SLC28A2: variants seen among roughly 807,000 people sequenced by gnomAD.
SLC28A2 encodes sodium/nucleoside cotransporter 2.
A neutral mutation model predicts 72.9 loss-of-function variants in SLC28A2; 69 were observed. The observed-to-expected ratio is 0.95, with a 90% CI of 0.78 to 1.16. The LOEUF is 1.16. SLC28A2 is among the 50% of genes most tolerant of loss of function. The probability of loss-of-function intolerance (pLI) is 0.00; values close to 1 mark genes in which losing one functional copy is unlikely to be tolerated. For synonymous variants in SLC28A2, 296 were observed against 294.1 expected (o/e 1.01, Z -0.07); for missense variants, 745 against 791.1 (o/e 0.94, Z 0.70).
At chr15:45,255,973 A>T (rs1215672836) in intron 3 of SLC28A2, 2 of 152,120 alleles carry the variant, frequency 1.3e-5, no homozygotes, top group African/African-American at 4.8e-5. Context: ...CAAGTTATTT[A>T]CCCTCTCTAA....
intron 4 of SLC28A2, 138 bp from the exon 5 acceptor site, chr15:45,262,923 T>C (rs2140567213): frequency 1.5e-6 from 1 of 649,676 alleles, no homozygotes. Context: ...AGTGCAGTTC[T>C]GTCTGACAGT....
rs542412373 is a variant in SLC28A2 at position 45,272,045 on chromosome 15, C to G, written c.1649-250C>G. On this transcript the variant is annotated intron_variant, in intron 15 of 17. Coordinates refer to ENST00000347644, the MANE Select transcript of SLC28A2 (RefSeq NM_004212.4). Reference sequence around the variant, plus strand: ...TCCAGATACATCTTGGGTATGTTCACAGAACCATTAAAGTGAGGGTCAGAC... The same window carrying G: ...TCCAGATACATCTTGGGTATGTTCAGAGAACCATTAAAGTGAGGGTCAGAC... 2.8e-4 allele frequency: 127 copies of G among 449,042 alleles called. 2 individuals carry two copies. The highest frequency in any genetic ancestry group is 2.4e-3 in the Middle Eastern group (4 of 1,676). The allele number at this position is 449,042 out of a possible 1,614,324, so 27.8% of individuals were successfully genotyped here. A position where few individuals can be genotyped will look rare whatever the true frequency, so the allele number is the denominator to read the frequency against.
At chr15:45,272,496 A>G in intron 16 of SLC28A2, 103 bp downstream of exon 16, 1 of 941,092 alleles carries the variant, frequency 1.1e-6, no homozygotes, top group Non-Finnish European at 1.7e-6. Context: ...GGCAACAAAG[A>G]TTACTTCCCT....
rs529165157 is a variant in SLC28A2 at position 45,264,712 on chromosome 15, G to A, written c.646G>A (p.Val216Ile). 3 of 1,614,008 alleles carry A rather than the reference G, an allele frequency of 1.9e-6. No homozygotes were observed. In the African/African-American group the frequency reaches 4.0e-5, roughly 22 times the overall value. Residue 216 changes from valine to isoleucine, a missense_variant, in exon 7 of 18, where the codon GTC becomes ATC. By Grantham distance (29) the Val-to-Ile change is conservative (BLOSUM62 3). Transcript: ENST00000347644. ...LGLQFVFGIL[V>I]IRTDLGYTVF... ...TCTTCAATTTGTCTTTGGGATCTTG[G>A]TCATCAGAACTGATCTTGGATATAC...
In SLC28A2 at chr15:45,252,262, C is replaced by A. The variant is rs1417839400; in HGVS notation, c.-33C>A. The A allele has an allele frequency of 2.2e-6, 1 of 455,858 alleles. No homozygotes were observed. Among genetic ancestry groups the A allele is most frequent in the East Asian group, 6.9e-5 (1 of 14,392 alleles). 28.2% of individuals were successfully genotyped at this position (455,858 alleles called of 1,614,324 possible). A position where few individuals can be genotyped will look rare whatever the true frequency, so the allele number is the denominator to read the frequency against. On this transcript the variant is annotated 5_prime_UTR_variant, in exon 1 of 18. Transcript: ENST00000347644. The stretch of plus-strand genomic sequence containing the variant: ...CCTTCACTGAGGAGCCAGAGGGAAT[C>A]AATTCCACAAGCTGGGGTAAGTAAA...
chr15:45,263,600 G>A (rs1044425496), intron 5 of SLC28A2, among the ~76,000 whole-genome samples: 8 of 152,196 alleles, frequency 5.3e-5, no homozygotes, highest in Admixed American at 2.0e-4. Flanking sequence ...GGTCATTGGT[G>A]TCTCCCTTAG....
chr15:45,261,950 G>T, intron 3 of SLC28A2, 65 bp from the exon 4 acceptor site: 1 of 997,750 alleles, frequency 1.0e-6, no homozygotes, highest in South Asian at 1.3e-5. Context: ...TCTGAATTCT[G>T]AGAGTTGAAT....
At chr15:45,257,458 C>T (rs1053467274) in intron 3 of SLC28A2, among the ~76,000 whole-genome samples, 4 of 152,152 alleles carry the variant, frequency 2.6e-5, no homozygotes, top group Admixed American at 2.0e-4. Context: ...GGAAACAATG[C>T]TTTACCCATA....
At chr15:45,258,155 G>A (rs998496371) in intron 3 of SLC28A2, among the ~76,000 whole-genome samples, 20 of 152,162 alleles carry the variant, frequency 1.3e-4, no homozygotes, top group African/African-American at 3.6e-4. Flanking sequence ...CCTGGGAGGC[G>A]GAGGTTGCAA....
chr15:45,252,722 A>T (rs1899829621), intron 1 of SLC28A2, among the ~76,000 whole-genome samples: 1 of 152,232 alleles, frequency 6.6e-6, no homozygotes, highest in African/African-American at 2.4e-5. Flanking sequence ...AGGAATTTGA[A>T]GGCCTGTAAA....
intron 15 of SLC28A2, 36 bp from the exon 16 acceptor site, chr15:45,272,259 G>C (rs1346651327): frequency 6.3e-7 from 1 of 1,578,386 alleles, no homozygotes; most frequent in Non-Finnish European, 8.7e-7. Context: ...GCCTTGGTGG[G>C]GAAAAGCTGA....
At chr15:45,268,531 G>A (rs1900421988) in intron 13 of SLC28A2, among the ~76,000 whole-genome samples, 153 bp downstream of exon 13, 1 of 152,194 alleles carries the variant, frequency 6.6e-6, no homozygotes, top group Non-Finnish European at 1.5e-5. Context: ...GTGCTGGAGA[G>A]GATGTGGAGA....
In SLC28A2 at chr15:45,270,241, A is replaced by G. The variant is rs780412922; in HGVS notation, c.1613A>G (p.Asn538Ser). 4 of 1,613,862 alleles carry G rather than the reference A, an allele frequency of 2.5e-6. No homozygotes were observed. The highest frequency in any genetic ancestry group is 1.1e-5 in the South Asian group (1 of 91,076). Residue 538 changes from asparagine (N) to serine (S), a missense_variant, in exon 15 of 18, where the codon AAT becomes AGT. By Grantham distance (46) the Asn-to-Ser change is conservative. Transcript: ENST00000347644. ...ITTFSLCGFA[N>S]LSSIGITLGG... is the part of the protein sequence containing the mutation. Reference sequence around the variant, plus strand: ...ACATTTTCACTCTGTGGATTTGCCAATCTTAGTTCCATAGGAATCACACTT... The same window carrying G: ...ACATTTTCACTCTGTGGATTTGCCAGTCTTAGTTCCATAGGAATCACACTT...
rs560293560 is a variant in SLC28A2, at chr15:45,261,737, C to G, written c.171-278C>G. Among the ~76,000 whole-genome samples the G allele has an allele frequency of 1.7e-4, 26 of 152,262 alleles. 1 individual carries two copies. The South Asian group carries it at 5.0e-3, about 29-fold the overall frequency. Reference sequence around the variant, plus strand: ...CAGAATGGGAAAGGAAAGTAGTAGACCCCTGACATGAGCAGTACCCACTTC... The same window carrying G: ...CAGAATGGGAAAGGAAAGTAGTAGAGCCCTGACATGAGCAGTACCCACTTC... On this transcript the variant is annotated intron_variant, in intron 3 of 17. Transcript: ENST00000347644.
chr15:45,263,356 A>G, intron 5 of SLC28A2, 112 bp downstream of exon 5: 1 of 1,004,232 alleles, frequency 1.0e-6, no homozygotes, highest in Non-Finnish European at 1.4e-6. Context: ...GCTTTTCAGA[A>G]CCAAAGCGCA....
chr15:45,272,764 C>T lies in SLC28A2; in HGVS notation c.1839C>T (p.Cys613=), dbSNP rs184503262. The change falls in exon 17 of 18, where the codon TGC becomes TGT. Residue 613 remains cysteine (C), a synonymous_variant. Coordinates refer to ENST00000347644, the MANE Select transcript of SLC28A2 (RefSeq NM_004212.4). ...FTNRTYETYM[C]CRGLFQSTSL... ...ATAGAACCTATGAGACCTACATGTGCTGCAGAGGGCTCTTTCAGAGGTGAG... is the reference window on the plus strand; with the variant it reads ...ATAGAACCTATGAGACCTACATGTGTTGCAGAGGGCTCTTTCAGAGGTGAG... 41 of 1,602,576 alleles carry T rather than the reference C, an allele frequency of 2.6e-5. No homozygotes were observed. The highest frequency in any genetic ancestry group is 8.3e-5 in the Admixed American group (5 of 60,004).
At chr15:45,274,341 C>T (rs1482354304) in intron 17 of SLC28A2, among the ~76,000 whole-genome samples, 5 of 151,838 alleles carry the variant, frequency 3.3e-5, no homozygotes, top group Non-Finnish European at 7.4e-5. Context: ...TCTACTAAAA[C>T]AAAACAAAAC....
intron 6 of SLC28A2, among the ~76,000 whole-genome samples, chr15:45,264,285 G>A (rs1900256018): frequency 6.6e-6 from 1 of 151,710 alleles, no homozygotes; most frequent in Non-Finnish European, 1.5e-5. Flanking sequence ...CAGTGTTAAA[G>A]AAAGAACAAA....
intron 3 of SLC28A2, among the ~76,000 whole-genome samples, chr15:45,258,322 GT>G (rs200202870): frequency 4.6e-5 from 7 of 151,504 alleles, no homozygotes; most frequent in East Asian, 1.9e-4. Flanking sequence ...AACTGGTACA[GT>G]TTTTTTTGCC....
Sources: gnomAD v4.1 joint callset for allele counts (sites outside exome capture counted in the v4.1 genomes callset) on GRCh38, gnomAD v4.1.1 for gene constraint, MANE v1.5 for transcripts, NCBI Gene and HGNC (gene_info 2026-07-23, HGNC 2026-07-21) for gene names.